The following CFAP299 variants were observed in gnomAD, a reference collection of about 807,000 sequenced individuals.
The protein encoded by CFAP299 is cilia- and flagella-associated protein 299.
CFAP299 carries 21 observed loss-of-function variants against 27.0 expected under a neutral mutation model. That is an observed-to-expected ratio of 0.78 (90% CI 0.55 to 1.12). The LOEUF is 1.12. CFAP299 is among the 50% of genes most tolerant of loss of function. CFAP299 has a pLI of 0.00. For missense variants in CFAP299, 310 were observed against 276.6 expected (o/e 1.12, Z -0.86); for synonymous variants, 104 against 98.1 (o/e 1.06, Z -0.36).
chr4:80,889,756 C>T (rs1295124369), intron 4 of CFAP299, among the ~76,000 whole-genome samples: 2 of 151,982 alleles, frequency 1.3e-5, no homozygotes, highest in Non-Finnish European at 2.9e-5. Flanking sequence ...TTCAAAAATA[C>T]ATTAAAAAGA....
At chr4:80,601,195 T>C (rs1004070708) in intron 3 of CFAP299, among the ~76,000 whole-genome samples, 1 of 152,296 alleles carries the variant, frequency 6.6e-6, no homozygotes, top group Admixed American at 6.5e-5. Context: ...CACATCTTTG[T>C]TATCTAAGAT....
At chr4:80,731,228 T>C (rs1723502003) in intron 3 of CFAP299, among the ~76,000 whole-genome samples, 1 of 152,208 alleles carries the variant, frequency 6.6e-6, no homozygotes, top group African/African-American at 2.4e-5. Flanking sequence ...TAAAATGCCA[T>C]ATCAACTCAC....
intron 3 of CFAP299, among the ~76,000 whole-genome samples, chr4:80,645,373 T>G (rs28505606): frequency 0.61 from 92,229 of 151,638 alleles, 31,961 homozygotes; most frequent in Non-Finnish European, 0.77. Flanking sequence ...TTTTTCTTTT[T>G]TAAATGGAAA....
intron 3 of CFAP299, among the ~76,000 whole-genome samples, chr4:80,762,223 A>G (rs554806301): frequency 1.3e-5 from 2 of 152,032 alleles, no homozygotes; most frequent in Non-Finnish European, 2.9e-5. Flanking sequence ...CCTTTTCTGA[A>G]CGTTGATGGA....
chr4:80,926,168 A>G (rs1201771774), intron 4 of CFAP299, among the ~76,000 whole-genome samples: 1 of 152,054 alleles, frequency 6.6e-6, no homozygotes, highest in East Asian at 1.9e-4. Flanking sequence ...AGAGCCTGAA[A>G]TGGCATGTTT....
At chr4:80,691,878 C>A (rs546439392) in intron 3 of CFAP299, among the ~76,000 whole-genome samples, 1 of 152,168 alleles carries the variant, frequency 6.6e-6, no homozygotes, top group Non-Finnish European at 1.5e-5. Flanking sequence ...ACAAAAATCA[C>A]AATCATTCTT....
chr4:80,411,142 C>T (rs1726700896), intron 2 of CFAP299, among the ~76,000 whole-genome samples: 1 of 152,112 alleles, frequency 6.6e-6, no homozygotes, highest in African/African-American at 2.4e-5. Context: ...TAATTGAATG[C>T]TGGCCTCTTG....
intron 3 of CFAP299, among the ~76,000 whole-genome samples, chr4:80,644,818 A>G (rs1397966613): frequency 2.0e-5 from 3 of 152,168 alleles, no homozygotes; most frequent in Non-Finnish European, 2.9e-5. Context: ...AATATTCCTT[A>G]GGCTTCAATG....
intron 2 of CFAP299, among the ~76,000 whole-genome samples, chr4:80,457,082 T>G (rs1433677601): frequency 6.6e-6 from 1 of 152,026 alleles, no homozygotes; most frequent in Non-Finnish European, 1.5e-5. Flanking sequence ...AATGGAAGAC[T>G]TTTACAGCAC....
At chr4:80,718,029 C>G (rs1240196413) in intron 3 of CFAP299, among the ~76,000 whole-genome samples, 3 of 152,148 alleles carry the variant, frequency 2.0e-5, no homozygotes, top group East Asian at 1.9e-4. Context: ...TAATGTCCTA[C>G]TAACTGCTTG....
intron 3 of CFAP299, among the ~76,000 whole-genome samples, chr4:80,862,417 A>G (rs1389368912): frequency 6.6e-6 from 1 of 152,178 alleles, no homozygotes; most frequent in Non-Finnish European, 1.5e-5. Context: ...CATTTAAAAT[A>G]TAGATACGTC....
chr4:80,362,143 T>G (rs963654145), intron 1 of CFAP299, among the ~76,000 whole-genome samples: 1 of 151,918 alleles, frequency 6.6e-6, no homozygotes, highest in African/African-American at 2.4e-5. Context: ...ATTTGAAATT[T>G]TTTTGTGGTG....
rs1028598440 is a variant in CFAP299 at position 80,907,735 on chromosome 4, G to A, written c.477-37075G>A. ...CCCCATGATGCAATTACCTCCTATC[G>A]GGTCCCTCTCACAACACGTGGGGAT... On this transcript the variant is annotated intron_variant, in intron 4 of 5. Transcript: ENST00000358105. Among the ~76,000 whole-genome samples, 6 of 152,060 alleles carry A rather than the reference G, an allele frequency of 3.9e-5. No individual in the cohort carries two copies. In the East Asian group the frequency reaches 5.8e-4, roughly 15 times the overall value.
At chr4:80,889,030 A>T (rs991558597) in intron 4 of CFAP299, among the ~76,000 whole-genome samples, 3 of 150,494 alleles carry the variant, frequency 2.0e-5, no homozygotes, top group African/African-American at 7.3e-5. Flanking sequence ...AAAAAAAAAA[A>T]AAAGAGGGAA....
chr4:80,600,786 C>A (rs902736922), intron 3 of CFAP299, among the ~76,000 whole-genome samples: 2 of 152,060 alleles, frequency 1.3e-5, no homozygotes, highest in African/African-American at 4.8e-5. Flanking sequence ...TGGATTTACA[C>A]TTATTCTGTG....
chr4:80,453,887 A>AATAATAATC (rs1220607041), intron 2 of CFAP299, among the ~76,000 whole-genome samples: 3 of 144,074 alleles, frequency 2.1e-5, no homozygotes, highest in Non-Finnish European at 4.5e-5. Flanking sequence ...TAATAATAAT[A>AATAATAATC]ATCTTGCAAG....
At chr4:80,433,124 A>G (rs962841097) in intron 2 of CFAP299, among the ~76,000 whole-genome samples, 1 of 152,080 alleles carries the variant, frequency 6.6e-6, no homozygotes, top group Non-Finnish European at 1.5e-5. Context: ...TCCTTAATTT[A>G]TCCTGTTCAT....
intron 2 of CFAP299, among the ~76,000 whole-genome samples, chr4:80,407,573 C>G (rs972420457): frequency 6.6e-6 from 1 of 152,160 alleles, no homozygotes; most frequent in South Asian, 2.1e-4. Context: ...ACTGGAACCC[C>G]GTTCTTTCTG....
chr4:80,366,730 A>T (rs1166359645), intron 2 of CFAP299, among the ~76,000 whole-genome samples: 1 of 152,228 alleles, frequency 6.6e-6, no homozygotes, highest in African/African-American at 2.4e-5. Flanking sequence ...GGAATTGAAA[A>T]ACCTAAGTCC....
Sources: gnomAD v4.1 joint callset for allele counts (sites outside exome capture counted in the v4.1 genomes callset) on GRCh38, gnomAD v4.1.1 for gene constraint, MANE v1.5 for transcripts, NCBI Gene and HGNC (gene_info 2026-07-23, HGNC 2026-07-21) for gene names.